The following PPM1D variants were observed in gnomAD, a reference collection of about 807,000 sequenced individuals.
The protein encoded by PPM1D is protein phosphatase, Mg2+/Mn2+ dependent 1D.
PPM1D carries 52 observed loss-of-function variants against 58.3 expected under a neutral mutation model. The observed-to-expected ratio is 0.89, with a 90% CI of 0.71 to 1.12. The LOEUF (loss-of-function observed/expected upper bound fraction) is 1.12. Among genes scored for constraint, PPM1D ranks in the 50% most tolerant of loss-of-function variants. The pLI, the probability that PPM1D is intolerant of heterozygous loss-of-function variation, is 0.00. For synonymous variants in PPM1D, 278 were observed against 285.1 expected (o/e 0.98, Z 0.25); for missense variants, 564 against 777.2 (o/e 0.73, Z 3.26).
chr17:60,624,045 A>G (rs927904748), intron 2 of PPM1D, among the ~76,000 whole-genome samples: 5 of 152,212 alleles, frequency 3.3e-5, no homozygotes, highest in African/African-American at 4.8e-5. Context: ...ATCTAGACGG[A>G]GCAGCTCTTG....
chr17:60,663,268 A>T lies in PPM1D; in HGVS notation c.1534A>T (p.Asn512Tyr), dbSNP rs1567979615. The T allele has an allele frequency of 6.2e-7, 1 of 1,614,206 alleles. No individual in the cohort carries two copies. The highest frequency in any genetic ancestry group is 1.7e-5 in the Admixed American group (1 of 60,020). ...NSTNTVMDQK[N>Y]LKMSTPGQMK... ...AACAAACACTGTCATGGACCAAAAA[A>T]ATTTGAAGATGTCAACTCCTGGCCA... The change falls in exon 6 of 6, where the codon AAT becomes TAT. Residue 512 changes from asparagine (N) to tyrosine (Y), a missense_variant. Asn to Tyr is a moderately radical substitution (Grantham distance 143). Coordinates refer to ENST00000305921, the MANE Select transcript of PPM1D (RefSeq NM_003620.4).
chr17:60,643,742 A>G (rs188521236), intron 3 of PPM1D, among the ~76,000 whole-genome samples: 127 of 152,250 alleles, frequency 8.3e-4, no homozygotes, highest in African/African-American at 2.6e-3. Flanking sequence ...ATATACGGAG[A>G]AGGACATGAC....
chr17:60,623,692 A>G lies in PPM1D; in HGVS notation c.644A>G (p.Gln215Arg). The G allele has an allele frequency of 6.2e-7, 1 of 1,614,232 alleles. No homozygotes were observed. Among genetic ancestry groups the G allele is most frequent in the Non-Finnish European group, 8.5e-7 (1 of 1,180,042 alleles). ...DDFVRAVEVT[Q>R]DHKPELPKER... Reference sequence around the variant, plus strand: ...TTTGTCAGAGCTGTGGAGGTGACACAGGACCATAAGCCAGAACTTCCCAAG... The same window carrying G: ...TTTGTCAGAGCTGTGGAGGTGACACGGGACCATAAGCCAGAACTTCCCAAG... Residue 215 changes from glutamine (Q) to arginine (R), a missense_variant, in exon 2 of 6, where the codon CAG (glutamine) becomes CGG (arginine). Coordinates refer to ENST00000305921, the MANE Select transcript of PPM1D (RefSeq NM_003620.4).
chr17:60,663,816 GT>G lies in PPM1D; in HGVS notation c.*265del. 1 of 390,194 alleles carries G rather than the reference GT, an allele frequency of 2.6e-6. No individual in the cohort carries two copies. The highest frequency in any genetic ancestry group is 3.5e-5 in the South Asian group (1 of 28,350). 24.2% of individuals were successfully genotyped at this position (390,194 alleles called of 1,614,324 possible). On this transcript the variant is annotated 3_prime_UTR_variant, in exon 6 of 6. Transcript: ENST00000305921. Reference sequence around the variant, plus strand: ...AGTCTCTGAATACACAGTATTCAGAGTCTCTGATACACAGTAATTGTGACAA... The same window carrying G: ...AGTCTCTGAATACACAGTATTCAGAGCTCTGATACACAGTAATTGTGACAA...
At chr17:60,625,770 A>G (rs1297819490) in intron 2 of PPM1D, among the ~76,000 whole-genome samples, 1 of 152,216 alleles carries the variant, frequency 6.6e-6, no homozygotes, top group East Asian at 1.9e-4. Flanking sequence ...GGTGTTAGCA[A>G]TGCAGAGACA....
intron 5 of PPM1D, 108 bp from the exon 6 acceptor site, chr17:60,662,887 C>T (rs536724184): frequency 1.7e-5 from 18 of 1,046,654 alleles, no homozygotes; most frequent in African/African-American, 1.1e-4. Context: ...ATGCATACCC[C>T]GTTTTTGCCA....
intron 1 of PPM1D, among the ~76,000 whole-genome samples, chr17:60,612,475 CATT>C (rs2030479049): frequency 6.6e-6 from 1 of 152,114 alleles, no homozygotes; most frequent in African/African-American, 2.4e-5. Context: ...GGTATGGTAT[CATT>C]GTTAACTTCC....
chr17:60,626,040 G>T (rs1324959741), intron 2 of PPM1D, among the ~76,000 whole-genome samples: 1 of 151,780 alleles, frequency 6.6e-6, no homozygotes, highest in Non-Finnish European at 1.5e-5. Flanking sequence ...ATATTATGGA[G>T]CTGTACCATG....
At chr17:60,652,973 T>G (rs930896908) in intron 4 of PPM1D, among the ~76,000 whole-genome samples, 10 of 152,318 alleles carry the variant, frequency 6.6e-5, no homozygotes, top group African/African-American at 2.2e-4. Context: ...CTCTTCACTT[T>G]GTTGATTGTT....
chr17:60,614,728 C>G (rs903249429), intron 1 of PPM1D, among the ~76,000 whole-genome samples: 8 of 152,178 alleles, frequency 5.3e-5, no homozygotes, highest in African/African-American at 1.9e-4. Flanking sequence ...GACCACCAAC[C>G]CACCAGAAGG....
At chr17:60,654,592 C>T (rs963852184) in intron 4 of PPM1D, among the ~76,000 whole-genome samples, 13 of 151,460 alleles carry the variant, frequency 8.6e-5, no homozygotes, top group African/African-American at 2.2e-4. Flanking sequence ...CCGGGCACGG[C>T]GGTTCACACC....
chr17:60,606,480 C>T (rs912889419), intron 1 of PPM1D, among the ~76,000 whole-genome samples: 1 of 152,094 alleles, frequency 6.6e-6, no homozygotes, highest in Non-Finnish European at 1.5e-5. Flanking sequence ...AAACTGTTTA[C>T]ACAGCAGCTG....
intron 2 of PPM1D, among the ~76,000 whole-genome samples, chr17:60,624,808 A>G (rs1190156092): frequency 6.6e-6 from 1 of 151,660 alleles, no homozygotes; most frequent in Non-Finnish European, 1.5e-5. Flanking sequence ...AAGAATTAGC[A>G]TCCTTAAACT....
At chr17:60,641,371 T>C (rs1453140413) in intron 3 of PPM1D, among the ~76,000 whole-genome samples, 1 of 152,258 alleles carries the variant, frequency 6.6e-6, no homozygotes, top group Non-Finnish European at 1.5e-5. Flanking sequence ...TTTATGATTC[T>C]TGGCCGTTTG....
At chr17:60,604,054 T>G (rs115246436) in intron 1 of PPM1D, among the ~76,000 whole-genome samples, 1,890 of 152,370 alleles carry the variant, frequency 0.012, 37 homozygotes, top group African/African-American at 0.043. Context: ...CATTGGTCTA[T>G]TTTGTACTTT....
chr17:60,626,977 A>AT (rs1567969208), intron 2 of PPM1D, among the ~76,000 whole-genome samples: 1 of 151,860 alleles, frequency 6.6e-6, no homozygotes, highest in Non-Finnish European at 1.5e-5. Flanking sequence ...GTTGTTAGCC[A>AT]TTTTTTTCCC....
intron 2 of PPM1D, 91 bp from the exon 3 acceptor site, chr17:60,633,762 G>A (rs2030972950): frequency 7.9e-7 from 1 of 1,267,408 alleles, no homozygotes; most frequent in African/African-American, 1.5e-5. Context: ...TAATAATGTA[G>A]TCTTATTTTA....
intron 1 of PPM1D, among the ~76,000 whole-genome samples, chr17:60,621,590 G>A (rs1358530953): frequency 1.5e-5 from 2 of 136,874 alleles, no homozygotes; most frequent in South Asian, 2.3e-4. Flanking sequence ...TTTTTGAGAC[G>A]GAGTCTCGCT....
chr17:60,650,414 G>A (rs574179134), intron 4 of PPM1D, among the ~76,000 whole-genome samples: 49 of 152,256 alleles, frequency 3.2e-4, no homozygotes, highest in African/African-American at 1.1e-3. Flanking sequence ...AGCCAGACGT[G>A]GTGACTCGCA....
Sources: allele counts gnomAD v4.1 joint callset (sites outside exome capture counted in the v4.1 genomes callset), GRCh38; gene constraint gnomAD v4.1.1; transcripts MANE v1.5; gene names NCBI Gene and HGNC (gene_info 2026-07-23, HGNC 2026-07-21).